The following CYRIB variants were observed in gnomAD, a reference collection of about 807,000 sequenced individuals.
The protein encoded by CYRIB is CYFIP-related Rac1 interactor B.
CYRIB carries 8 observed loss-of-function variants against 44.2 expected under a neutral mutation model. That is an observed-to-expected ratio of 0.18 (90% CI 0.11 to 0.33). The LOEUF is 0.33. Ranked by LOEUF, CYRIB falls within the 10% of genes least tolerant of loss-of-function variation. CYRIB has a pLI of 1.00. For synonymous variants in CYRIB, 131 were observed against 127.2 expected (o/e 1.03, Z -0.20); for missense variants, 185 against 382.8 (o/e 0.48, Z 4.31).
chr8:129,864,105 C>G (rs1166061499), intron 4 of CYRIB, among the ~76,000 whole-genome samples: 1 of 152,244 alleles, frequency 6.6e-6, no homozygotes, highest in Non-Finnish European at 1.5e-5. Context: ...GGGCTATATA[C>G]TGGTTAAGCA....
At chr8:129,976,010 A>G (rs953761266) in intron 1 of CYRIB, among the ~76,000 whole-genome samples, 12 of 152,186 alleles carry the variant, frequency 7.9e-5, no homozygotes, top group African/African-American at 2.9e-4. Flanking sequence ...GGAAATGAAG[A>G]ACTCTTGTAA....
chr8:129,963,737 A>T (rs1174021192), intron 2 of CYRIB, among the ~76,000 whole-genome samples: 1 of 152,164 alleles, frequency 6.6e-6, no homozygotes, highest in African/African-American at 2.4e-5. Context: ...GCTCTCTCTG[A>T]GCCTACAAAA....
intron 2 of CYRIB, among the ~76,000 whole-genome samples, chr8:129,898,734 A>T (rs190952697): frequency 2.6e-5 from 4 of 152,372 alleles, no homozygotes; most frequent in African/African-American, 7.2e-5. Flanking sequence ...AAAGATATGT[A>T]CTTGAATAAT....
chr8:129,940,849 A>G (rs1004744404), upstream of CYRIB, among the ~76,000 whole-genome samples: 10 of 152,208 alleles, frequency 6.6e-5, no homozygotes, highest in African/African-American at 2.4e-4. Flanking sequence ...CCGGGAAAAT[A>G]CAGACATGCA....
At chr8:129,915,904 C>T (rs1400450424) in intron 1 of CYRIB, among the ~76,000 whole-genome samples, 1 of 152,076 alleles carries the variant, frequency 6.6e-6, no homozygotes, top group African/African-American at 2.4e-5. Flanking sequence ...CTTAAGACAT[C>T]TTATTACATT....
At chr8:129,956,017 C>T (rs530991550) in intron 2 of CYRIB, among the ~76,000 whole-genome samples, 6 of 152,256 alleles carry the variant, frequency 3.9e-5, no homozygotes, top group Admixed American at 6.5e-5. Context: ...GAAGGTAAGC[C>T]CAGCAGCCCC....
chr8:130,006,893 T>C (rs538285686), intron 1 of CYRIB, among the ~76,000 whole-genome samples: 13 of 151,516 alleles, frequency 8.6e-5, no homozygotes, highest in South Asian at 2.1e-4. Context: ...CATCCAAACA[T>C]TGAAATTTTC....
chr8:129,960,561 C>A (rs1013411646), intron 2 of CYRIB, among the ~76,000 whole-genome samples: 1 of 150,228 alleles, frequency 6.7e-6, no homozygotes, highest in Non-Finnish European at 1.5e-5. Context: ...CAAGATCGAT[C>A]GCTTAAACCT....
chr8:129,897,948 T>G (rs1280190265), intron 2 of CYRIB, among the ~76,000 whole-genome samples: 1 of 152,052 alleles, frequency 6.6e-6, no homozygotes, highest in Non-Finnish European at 1.5e-5. Context: ...GTATTTTTAG[T>G]AGAGATGGGG....
chr8:129,901,341 CGAGTAGCTGG>C (rs2071736872), intron 2 of CYRIB: 1 of 152,014 alleles, frequency 6.6e-6, no homozygotes, highest in African/African-American at 2.4e-5. Context: ...CTCAGCCTCC[CGAGTAGCTGG>C]GATAACAGGC....
rs2038086823 is a variant in CYRIB, at chr8:129,843,888, T to C, written c.912-1683A>G. 2.0e-5 allele frequency: 3 copies of C among 152,176 alleles called. No homozygotes were observed. The South Asian group carries it at 6.2e-4, about 31-fold the overall frequency. 9.4% of individuals were successfully genotyped at this position (152,176 alleles called of 1,614,324 possible). On this transcript the variant is annotated intron_variant, in intron 11 of 11. Coordinates refer to ENST00000519824, the Ensembl canonical transcript of CYRIB. ...CTGTTCTCATGTTTTTGAATAGGTA[T>C]CAGCGTGCCTGGCACATAAATGGTG... is the stretch of plus-strand genomic sequence containing the variant.
intron 1 of CYRIB, among the ~76,000 whole-genome samples, chr8:129,976,625 G>A (rs1055020957): frequency 6.6e-6 from 1 of 152,140 alleles, no homozygotes; most frequent in Non-Finnish European, 1.5e-5. Flanking sequence ...ACCTGGAGAG[G>A]CTAATACTGC....
chr8:129,904,998 C>T (rs909335912), intron 1 of CYRIB, among the ~76,000 whole-genome samples: 11 of 152,114 alleles, frequency 7.2e-5, no homozygotes, highest in Non-Finnish European at 1.6e-4. Context: ...ATACAGAGCT[C>T]AATATCCATG....
chr8:129,895,735 G>C (rs116094603), intron 2 of CYRIB, among the ~76,000 whole-genome samples: 2,313 of 152,112 alleles, frequency 0.015, 70 homozygotes, highest in African/African-American at 0.053. Flanking sequence ...AATGAATGAG[G>C]GTGAATGAAT....
At chr8:130,001,628 A>G (rs910648593) in intron 1 of CYRIB, among the ~76,000 whole-genome samples, 1 of 148,162 alleles carries the variant, frequency 6.7e-6, no homozygotes, top group Non-Finnish European at 1.5e-5. Flanking sequence ...TCCTGGGTTC[A>G]AGCAATTCTC....
chr8:129,948,842 T>A (rs1478229699), intron 2 of CYRIB: 1 of 152,620 alleles, frequency 6.6e-6, no homozygotes, highest in Admixed American at 6.5e-5. Flanking sequence ...GTGGGAGGAC[T>A]GCTTGAGCCC....
At chr8:129,939,760 G>T (rs2093480357) in exon 1 of CYRIB, 1 of 152,268 alleles carries the variant, frequency 6.6e-6, no homozygotes. Context: ...CTGCCCCTGT[G>T]GCAGAGCCGC....
intron 2 of CYRIB, among the ~76,000 whole-genome samples, chr8:129,892,380 A>G (rs1036898452): frequency 1.4e-4 from 21 of 152,208 alleles, no homozygotes; most frequent in African/African-American, 4.6e-4. Context: ...TTTAAAATCT[A>G]TGAATGCAAA....
At chr8:129,923,803 G>GAGTA (rs1203344936) in intron 1 of CYRIB, among the ~76,000 whole-genome samples, 1 of 150,314 alleles carries the variant, frequency 6.7e-6, no homozygotes, top group East Asian at 1.9e-4. Flanking sequence ...ACATGAAAAA[G>GAGTA]AGTAAAAACA....
Sources: allele counts gnomAD v4.1 joint callset (sites outside exome capture counted in the v4.1 genomes callset), GRCh38; gene constraint gnomAD v4.1.1; transcripts MANE v1.5; gene names NCBI Gene and HGNC (gene_info 2026-07-23, HGNC 2026-07-21).